Variants in YPEL2 observed in about 807,000 individuals in gnomAD.
YPEL2 encodes yippee like 2, also known as protein yippee-like 2.
In YPEL2, 2 loss-of-function variants were observed where a neutral mutation model predicts 19.1. The observed-to-expected ratio is 0.10, with a 90% CI of 0.04 to 0.33. YPEL2 has a LOEUF of 0.33. YPEL2 is among the 10% of genes least tolerant of loss of function. YPEL2 has a pLI of 1.00. For missense variants in YPEL2, 66 were observed against 140.7 expected, an observed-to-expected ratio of 0.47 and a Z score of 2.68; for synonymous variants, 52 against 50.0, an observed-to-expected ratio of 1.04 and a Z score of -0.17.
chr17:59,377,077 T>G (rs1292803264), intron 2 of YPEL2, among the ~76,000 whole-genome samples: 1 of 152,048 alleles, frequency 6.6e-6, no homozygotes, highest in African/African-American at 2.4e-5. Context: ...TTGCCTAGAT[T>G]GGTTACAAAG....
intron 1 of YPEL2, among the ~76,000 whole-genome samples, chr17:59,344,220 A>G (rs897191547): frequency 7.9e-5 from 12 of 152,116 alleles, no homozygotes; most frequent in Admixed American, 7.2e-4. Flanking sequence ...AAAGGGGTCA[A>G]GGGTTCAGGA....
Position 59,399,117 on chromosome 17 carries a change from A to T in YPEL2, c.*1927A>T, listed in dbSNP as rs2147963824. 6.6e-6 allele frequency: 1 copy of T among 152,648 alleles called. No homozygotes were observed. The highest frequency in any genetic ancestry group is 6.5e-5 in the Admixed American group (1 of 15,294). The allele number at this position is 152,648 out of a possible 1,614,324, so 9.5% of individuals were successfully genotyped here. A position where few individuals can be genotyped will look rare whatever the true frequency, so the allele number is the denominator to read the frequency against. ...AGACTGAAGTTCAGAAGAAATACTG[A>T]ATTTCTGCTCCCAGAAGAATAGTTT... On this transcript the variant is annotated 3_prime_UTR_variant, in exon 5 of 5. Transcript: ENST00000312655.
intron 2 of YPEL2, among the ~76,000 whole-genome samples, chr17:59,380,902 C>A (rs910292662): frequency 6.6e-6 from 1 of 152,220 alleles, no homozygotes; most frequent in Non-Finnish European, 1.5e-5. Context: ...AGTGGGGAAG[C>A]CTTGCCTTTT....
intron 2 of YPEL2, among the ~76,000 whole-genome samples, chr17:59,384,540 C>T (rs1199278829): frequency 6.6e-6 from 1 of 152,236 alleles, no homozygotes; most frequent in Admixed American, 6.5e-5. Flanking sequence ...TCACCTCTAA[C>T]CCCCACAGTG....
At chr17:59,349,371 T>G (rs914559182) in intron 1 of YPEL2, among the ~76,000 whole-genome samples, 1 of 145,124 alleles carries the variant, frequency 6.9e-6, no homozygotes, top group African/African-American at 2.5e-5. Context: ...TTTTTTTTTT[T>G]TTTTTTTGTT....
intron 4 of YPEL2, among the ~76,000 whole-genome samples, chr17:59,392,984 G>A (rs944843625): frequency 6.6e-6 from 1 of 152,112 alleles, no homozygotes; most frequent in African/African-American, 2.4e-5. Flanking sequence ...TGTGAAGTAA[G>A]TGTGAATCTC....
chr17:59,396,591 G>A (rs546306213), intron 4 of YPEL2, among the ~76,000 whole-genome samples: 1 of 152,336 alleles, frequency 6.6e-6, no homozygotes, highest in Admixed American at 6.5e-5. Flanking sequence ...TGAAAGTCCT[G>A]GTGTTGCCTC....
At chr17:59,360,606 T>C (rs35283375) in intron 2 of YPEL2, among the ~76,000 whole-genome samples, 11,995 of 152,214 alleles carry the variant, frequency 0.079, 582 homozygotes, top group South Asian at 0.15. Context: ...GGCTCTTTTG[T>C]ACTCCTCTAG....
Position 59,353,228 on chromosome 17 carries a change from A to T in YPEL2, c.-182A>T, listed in dbSNP as rs1236267737. On this transcript the variant is annotated 5_prime_UTR_variant, in exon 2 of 5. Transcript: ENST00000312655. This position sits in a 1 kb window ranked among gnomAD's most constrained non-coding sequence, Gnocchi z 4.8. The stretch of plus-strand genomic sequence containing the variant: ...TTGATGTTACAGGCTGCTGAGAACT[A>T]GCCCTAGACCTCTGCGTGAGGGTTC... 1 of 532,418 alleles carries T rather than the reference A, an allele frequency of 1.9e-6. No individual in the cohort carries two copies. The highest frequency in any genetic ancestry group is 3.6e-5 in the Admixed American group (1 of 27,938). The allele number at this position is 532,418 out of a possible 1,614,324, so 33.0% of individuals were successfully genotyped here. A position where few individuals can be genotyped will look rare whatever the true frequency, so the allele number is the denominator to read the frequency against.
intron 2 of YPEL2, among the ~76,000 whole-genome samples, chr17:59,382,626 T>C (rs1464691473): frequency 6.6e-6 from 1 of 152,252 alleles, no homozygotes; most frequent in Non-Finnish European, 1.5e-5. Context: ...ATTTGTATAA[T>C]TTAAATGGAT....
At chr17:59,382,930 A>G (rs1295832531) in intron 2 of YPEL2, among the ~76,000 whole-genome samples, 2 of 152,360 alleles carry the variant, frequency 1.3e-5, no homozygotes, top group East Asian at 1.9e-4. Flanking sequence ...GGCATGAGCC[A>G]TCACGCCTAG....
At chr17:59,340,079 TCTGA>T in intron 1 of YPEL2, among the ~76,000 whole-genome samples, 1 of 151,916 alleles carries the variant, frequency 6.6e-6, no homozygotes. Flanking sequence ...TAGTGGGAAG[TCTGA>T]CTGAGAAACA....
At chr17:59,387,944 G>A (rs2047989148) in intron 2 of YPEL2, among the ~76,000 whole-genome samples, 2 of 152,246 alleles carry the variant, frequency 1.3e-5, no homozygotes. Flanking sequence ...GCCAGCCTGG[G>A]AAAGCTGTGG....
intron 1 of YPEL2, among the ~76,000 whole-genome samples, chr17:59,335,464 G>A (rs1238483790): frequency 1.3e-5 from 2 of 151,906 alleles, no homozygotes; most frequent in Admixed American, 6.6e-5. Flanking sequence ...AGAAAAGCTC[G>A]CCTTTCTGAG....
intron 2 of YPEL2, among the ~76,000 whole-genome samples, chr17:59,367,443 T>C (rs1035316620): frequency 2.6e-5 from 4 of 152,200 alleles, no homozygotes; most frequent in African/African-American, 9.6e-5. Flanking sequence ...ATTTTACGCT[T>C]TGCTGGACAT....
intron 2 of YPEL2, among the ~76,000 whole-genome samples, chr17:59,387,007 T>A (rs1483864234): frequency 1.3e-5 from 2 of 152,104 alleles, no homozygotes; most frequent in South Asian, 4.1e-4. Context: ...ACACCTGTAA[T>A]CCCAGTACTT....
chr17:59,359,073 A>T (rs931838815), intron 2 of YPEL2, among the ~76,000 whole-genome samples: 2 of 151,754 alleles, frequency 1.3e-5, no homozygotes, highest in African/African-American at 4.8e-5. Context: ...ACAGGTGCAC[A>T]TAACCACACC....
At chr17:59,349,688 A>G (rs1281387977) in intron 1 of YPEL2, among the ~76,000 whole-genome samples, 2 of 151,326 alleles carry the variant, frequency 1.3e-5, no homozygotes, top group East Asian at 2.0e-4. Context: ...TTGAGACAGA[A>G]TCTCGCACTG....
Position 59,340,718 on chromosome 17 carries a change from CT to C in YPEL2, c.-196+8906del, listed in dbSNP as rs1226895155. 1.9e-3 allele frequency among the ~76,000 whole-genome samples: 239 copies of C among 127,684 alleles called. 1 individual carries two copies. The highest frequency in any genetic ancestry group is 6.0e-3 in the Admixed American group (77 of 12,852). 83.8% of individuals were successfully genotyped at this position (127,684 alleles called of 152,430 possible). On this transcript the variant is annotated intron_variant, in intron 1 of 4. Transcript: ENST00000312655. ...GCGTGAGCCACCGCACCCAGCCGAA[CT>C]TTTTTTTTTTTGAAATGGCGATGTC...
Sources: gnomAD v4.1 joint callset for allele counts (sites outside exome capture counted in the v4.1 genomes callset) on GRCh38, gnomAD v4.1.1 for gene constraint, Gnocchi (gnomAD v3.1) non-coding constraint, MANE v1.5 for transcripts, NCBI Gene and HGNC (gene_info 2026-07-23, HGNC 2026-07-21) for gene names.